EMC10: variants seen among roughly 807,000 people sequenced by gnomAD.
The protein encoded by EMC10 is ER membrane protein complex subunit 10.
Under a neutral mutation model 32.2 loss-of-function variants are expected in EMC10, and 40 were observed. The ratio of observed to expected loss-of-function variants is 1.24; its 90% CI spans 0.96 to 1.61. The LOEUF is 1.61. Among genes scored for constraint, EMC10 ranks in the 40% most tolerant of loss-of-function variants. The pLI, the probability that EMC10 is intolerant of heterozygous loss-of-function variation, is 0.00. For missense variants in EMC10, 402 were observed against 357.7 expected, an observed-to-expected ratio of 1.12 and a Z score of -1.00; for synonymous variants, 178 against 158.4, an observed-to-expected ratio of 1.12 and a Z score of -0.93.
Position 50,486,735 on chromosome 19 carries a change from T to G in EMC10, c.*4476T>G, listed in dbSNP as rs938373463. ...TTCCCATGTGCAGTCCCAGTTGCATTTCCATGGGAGCCAATCCACCCACCC... is the reference window on the plus strand; with the variant it reads ...TTCCCATGTGCAGTCCCAGTTGCATGTCCATGGGAGCCAATCCACCCACCC... On this transcript the variant is annotated 3_prime_UTR_variant, in exon 7 of 7. Coordinates refer to ENST00000334976, the MANE Select transcript of EMC10 (RefSeq NM_206538.4). 3.3e-5 allele frequency: 5 copies of G among 152,188 alleles called. No individual in the cohort carries two copies. In the South Asian group the frequency reaches 6.2e-4, roughly 19 times the overall value. The allele number at this position is 152,188 out of a possible 1,614,324, so 9.4% of individuals were successfully genotyped here.
Position 50,486,858 on chromosome 19 carries a change from T to G in EMC10, c.*4599T>G, listed in dbSNP as rs1978374096. 1 of 152,100 alleles carries G rather than the reference T, an allele frequency of 6.6e-6. No individual in the cohort carries two copies. Among genetic ancestry groups the G allele is most frequent in the Non-Finnish European group, 1.5e-5 (1 of 68,018 alleles). The allele number at this position is 152,100 out of a possible 1,614,324, so 9.4% of individuals were successfully genotyped here. A position where few individuals can be genotyped will look rare whatever the true frequency, so the allele number is the denominator to read the frequency against. On this transcript the variant is annotated 3_prime_UTR_variant, in exon 7 of 7. Coordinates refer to ENST00000334976, the MANE Select transcript of EMC10 (RefSeq NM_206538.4). ...ATTGATTAGGAGTAAAAATGTTCAT[T>G]TTTACAAAATATTACAACTTCTCCC...
Position 50,485,447 on chromosome 19 carries a change from G to T in EMC10, c.*3188G>T, listed in dbSNP as rs752912639. 3 of 152,330 alleles carry T rather than the reference G, an allele frequency of 2.0e-5. No homozygotes were observed. Among genetic ancestry groups the T allele is most frequent in the Non-Finnish European group, 4.4e-5 (3 of 68,208 alleles). The allele number at this position is 152,330 out of a possible 1,614,324, so 9.4% of individuals were successfully genotyped here. On this transcript the variant is annotated 3_prime_UTR_variant, in exon 7 of 7. Coordinates refer to ENST00000334976, the MANE Select transcript of EMC10 (RefSeq NM_206538.4). ...CTAAAGGAGCCAGTGCCTCCCACCT[G>T]CCCGGATCGGGTGCTCCTCCAGGGA...
Sources: allele counts gnomAD v4.1 joint callset, GRCh38; gene constraint gnomAD v4.1.1; transcripts MANE v1.5; gene names NCBI Gene and HGNC (gene_info 2026-07-23, HGNC 2026-07-21).